The following CSMD1 variants were observed in gnomAD, a reference collection of about 807,000 sequenced individuals.
CSMD1 encodes CUB and sushi domain-containing protein 1.
In CSMD1, 213 loss-of-function variants were observed where a neutral mutation model predicts 417.5. The observed-to-expected ratio is 0.51, with a 90% confidence interval of 0.46 to 0.57. CSMD1 has a LOEUF of 0.57. CSMD1 is among the 20% of genes least tolerant of loss of function. The pLI, the probability that CSMD1 is intolerant of heterozygous loss-of-function variation, is 0.00. For missense variants in CSMD1, 6,923 were observed against 4,529.7 expected (o/e 1.53, Z -15.17); for synonymous variants, 2,862 against 1,736.8 (o/e 1.65, Z -16.11).
At chr8:4,263,113 T>A (rs1803998286) in intron 3 of CSMD1, among the ~76,000 whole-genome samples, 1 of 152,168 alleles carries the variant, frequency 6.6e-6, no homozygotes, top group Non-Finnish European at 1.5e-5. Context: ...GTATTATTTC[T>A]TGTGGGTGAT....
intron 5 of CSMD1, among the ~76,000 whole-genome samples, chr8:3,938,099 G>T (rs923912047): frequency 2.1e-4 from 32 of 152,118 alleles, no homozygotes; most frequent in Non-Finnish European, 2.9e-4. Flanking sequence ...TAGAAATTTT[G>T]AAAGTGTGAA....
At chr8:3,754,097 C>T (rs1584947651) in intron 5 of CSMD1, 55 bp from the exon 6 acceptor site, 17 of 1,180,820 alleles carry the variant, frequency 1.4e-5, no homozygotes, top group East Asian at 1.4e-4. Context: ...GAGCAAATGT[C>T]CTATATCAAA....
chr8:3,289,665 A>G lies in CSMD1; in HGVS notation c.3951-5319T>C, dbSNP rs1427945352. On this transcript the variant is annotated intron_variant, in intron 25 of 69. Coordinates refer to ENST00000635120, the MANE Select transcript of CSMD1 (RefSeq NM_033225.6). ...GTTCATATCCTTTGCCCACTTTTTG[A>G]TGGGGTTGTTTGTTTTTTTCTTGAA... Among the ~76,000 whole-genome samples, 3 of 140,416 alleles carry G rather than the reference A, an allele frequency of 2.1e-5. 1 individual carries two copies. The highest frequency in any genetic ancestry group is 9.4e-5 in the African/African-American group (3 of 31,948). 92.1% of individuals were successfully genotyped at this position (140,416 alleles called of 152,430 possible). A position where few individuals can be genotyped will look rare whatever the true frequency, so the allele number is the denominator to read the frequency against.
At chr8:3,983,868 C>G (rs1034954815) in intron 5 of CSMD1, among the ~76,000 whole-genome samples, 3 of 151,364 alleles carry the variant, frequency 2.0e-5, no homozygotes, top group Non-Finnish European at 2.9e-5. Flanking sequence ...CTAGAGCACA[C>G]AGCAGATCTA....
chr8:3,041,860 G>A (rs1811122059), intron 50 of CSMD1, among the ~76,000 whole-genome samples: 2 of 152,222 alleles, frequency 1.3e-5, no homozygotes, highest in African/African-American at 2.4e-5. Flanking sequence ...GGTGTAAAGT[G>A]CTTTAAAGCA....
At chr8:4,486,250 CATATATATATATATATAT>C (rs376449969) in intron 2 of CSMD1, among the ~76,000 whole-genome samples, 2 of 13,214 alleles carry the variant, frequency 1.5e-4, no homozygotes, top group Admixed American at 9.0e-4. Context: ...TATATACATA[CATATATATATATATATAT>C]ATATATATAC....
At chr8:4,196,138 G>T (rs972141977) in intron 3 of CSMD1, among the ~76,000 whole-genome samples, 2 of 152,094 alleles carry the variant, frequency 1.3e-5, no homozygotes, top group African/African-American at 4.8e-5. Flanking sequence ...TTGAACCCGG[G>T]AAGTGGAGCT....
rs149836864 is a variant in CSMD1, at chr8:3,932,980, C to G, written c.818+64923G>C. Among the ~76,000 whole-genome samples the G allele has an allele frequency of 3.8e-3, 569 of 148,534 alleles. 30 individuals carry two copies. Among genetic ancestry groups the G allele is most frequent in the African/African-American group, 0.011 (430 of 40,242 alleles). ...TTTTAAATTTTTTGCTTTCTAATATCCTGAAAAACTTTTTAAATGTTTAAC... is the reference window on the plus strand; with the variant it reads ...TTTTAAATTTTTTGCTTTCTAATATGCTGAAAAACTTTTTAAATGTTTAAC... On this transcript the variant is annotated intron_variant, in intron 5 of 69. Transcript: ENST00000635120.
At chr8:4,888,502 G>GAT (rs1803898147) in intron 1 of CSMD1, among the ~76,000 whole-genome samples, 1 of 151,720 alleles carries the variant, frequency 6.6e-6, no homozygotes, top group Non-Finnish European at 1.5e-5. Flanking sequence ...TAGACTGATA[G>GAT]ATGAGAGAGA....
chr8:4,616,828 G>C (rs1262593553), intron 2 of CSMD1, among the ~76,000 whole-genome samples: 3 of 151,944 alleles, frequency 2.0e-5, no homozygotes. Flanking sequence ...AACTCATTTT[G>C]GTCTTCTGGG....
chr8:4,403,138 C>G (rs1200413990), intron 3 of CSMD1, among the ~76,000 whole-genome samples: 6 of 152,036 alleles, frequency 3.9e-5, no homozygotes, highest in African/African-American at 1.4e-4. Flanking sequence ...GCCAAAATGT[C>G]CTCACTTTTT....
At chr8:3,724,425 G>T (rs965927814) in intron 6 of CSMD1, among the ~76,000 whole-genome samples, 1 of 152,054 alleles carries the variant, frequency 6.6e-6, no homozygotes, top group African/African-American at 2.4e-5. Flanking sequence ...TAAATGAAGT[G>T]ATAAACATTT....
intron 1 of CSMD1, among the ~76,000 whole-genome samples, chr8:4,677,631 C>A (rs116809320): frequency 0.015 from 2,305 of 152,150 alleles, 23 homozygotes; most frequent in Middle Eastern, 0.024. Context: ...TTTTATATTT[C>A]TTTATGTAAT....
chr8:3,084,052 G>A (rs1049305927), intron 49 of CSMD1, among the ~76,000 whole-genome samples: 1 of 152,096 alleles, frequency 6.6e-6, no homozygotes, highest in African/African-American at 2.4e-5. Context: ...CCTTGGGTCA[G>A]TACACACAAC....
intron 3 of CSMD1, among the ~76,000 whole-genome samples, chr8:4,089,543 C>G (rs1800604759): frequency 6.6e-6 from 1 of 152,076 alleles, no homozygotes; most frequent in South Asian, 2.1e-4. Flanking sequence ...TGATTTAACA[C>G]AATTTGGATT....
chr8:3,799,100 T>A (rs578166899), intron 5 of CSMD1, among the ~76,000 whole-genome samples: 122 of 152,244 alleles, frequency 8.0e-4, no homozygotes, highest in African/African-American at 2.9e-3. Context: ...CATTTTTTAT[T>A]ATCCTCAATT....
intron 3 of CSMD1, among the ~76,000 whole-genome samples, chr8:4,109,803 A>G (rs1453412420): frequency 6.6e-6 from 1 of 152,198 alleles, no homozygotes; most frequent in African/African-American, 2.4e-5. Context: ...AGACTAAACA[A>G]AAAGGGTGTT....
intron 3 of CSMD1, among the ~76,000 whole-genome samples, chr8:4,210,676 C>T (rs936749853): frequency 6.6e-6 from 1 of 152,002 alleles, no homozygotes; most frequent in Non-Finnish European, 1.5e-5. Flanking sequence ...CTGAAGAAAG[C>T]CAATTTTCCA....
chr8:3,794,919 T>C (rs773554932), intron 5 of CSMD1, among the ~76,000 whole-genome samples: 1 of 151,918 alleles, frequency 6.6e-6, no homozygotes, highest in Admixed American at 6.6e-5. Context: ...CCCATTTTCA[T>C]CTTTTCTAAC....
Sources: gnomAD v4.1 joint callset for allele counts (sites outside exome capture counted in the v4.1 genomes callset) on GRCh38, gnomAD v4.1.1 for gene constraint, MANE v1.5 for transcripts, NCBI Gene and HGNC (gene_info 2026-07-23, HGNC 2026-07-21) for gene names.